MFSD8: variants seen among roughly 807,000 people sequenced by gnomAD.
The protein encoded by MFSD8 is major facilitator superfamily domain containing 8, also known as major facilitator superfamily domain-containing protein 8.
MFSD8 carries 55 observed loss-of-function variants against 66.4 expected under a neutral mutation model. That is an observed-to-expected ratio of 0.83 (90% CI 0.67 to 1.04). The LOEUF is 1.04. MFSD8 is among the 50% of genes least tolerant of loss of function. MFSD8 has a pLI of 0.00. For missense variants in MFSD8, 550 were observed against 627.6 expected (o/e 0.88, Z 1.32); for synonymous variants, 202 against 212.8 (o/e 0.95, Z 0.44).
rs1020474792 is a variant in MFSD8, at chr4:127,921,306, A to G, written c.1350+218T>C. ...ACTGTGCCACTTTACACTCTACCAC[A>G]ATGCCACTCCTACAACTTCTGTATC... On this transcript the variant is annotated intron_variant, in intron 11 of 11. Coordinates refer to ENST00000641686, the MANE Select transcript of MFSD8 (RefSeq NM_001371596.2). The G allele has an allele frequency of 6.4e-5, 48 of 748,454 alleles. No individual in the cohort carries two copies. In the African/African-American group the frequency reaches 8.0e-4, roughly 12 times the overall value. The allele number at this position is 748,454 out of a possible 1,614,324, so 46.4% of individuals were successfully genotyped here. A position where few individuals can be genotyped will look rare whatever the true frequency, so the allele number is the denominator to read the frequency against.
At chr4:127,953,512 C>T (rs1742352004) in intron 2 of MFSD8, among the ~76,000 whole-genome samples, 1 of 146,124 alleles carries the variant, frequency 6.8e-6, no homozygotes, top group East Asian at 2.0e-4. Context: ...ACTGATTCAG[C>T]ACTTTTTCTG....
At chr4:127,951,293 G>T (rs944636894) in intron 2 of MFSD8, among the ~76,000 whole-genome samples, 1 of 151,808 alleles carries the variant, frequency 6.6e-6, no homozygotes, top group East Asian at 2.0e-4. Context: ...GTAGTGACCC[G>T]ATCTCGGCTC....
chr4:127,963,603 G>C (rs1274275123), intron 1 of MFSD8, among the ~76,000 whole-genome samples: 1 of 152,014 alleles, frequency 6.6e-6, no homozygotes, highest in Non-Finnish European at 1.5e-5. Context: ...TTAAGGCGGC[G>C]CGTCTGGAGT....
At chr4:127,938,615 A>ATAAG (rs1235121791) in intron 7 of MFSD8, among the ~76,000 whole-genome samples, 168 bp downstream of exon 7, 3 of 142,460 alleles carry the variant, frequency 2.1e-5, no homozygotes, top group Non-Finnish European at 4.4e-5. Context: ...AAATAAATAA[A>ATAAG]TAAATAAATA....
chr4:127,963,815 T>G (rs1370459005), intron 1 of MFSD8, among the ~76,000 whole-genome samples: 1 of 152,214 alleles, frequency 6.6e-6, no homozygotes, highest in Non-Finnish European at 1.5e-5. Flanking sequence ...CCTGCTTTTA[T>G]TCTCTTATCT....
At chr4:127,960,546 AAGAG>A (rs1743574139) in intron 1 of MFSD8, among the ~76,000 whole-genome samples, 1 of 152,074 alleles carries the variant, frequency 6.6e-6, no homozygotes, top group African/African-American at 2.4e-5. Context: ...ATAAATAAAT[AAGAG>A]AGAGAAAAGA....
rs1339979382 is a variant in MFSD8 at position 127,943,743 on chromosome 4, C to A, written c.439+9G>T. On this transcript the variant is annotated intron_variant, in intron 4 of 11. Transcript: ENST00000641686. The stretch of plus-strand genomic sequence containing the variant: ...TATGACACAACCAAACATATACATA[C>A]AACCTTACCTGCTCCAATTCCCAAC... The A allele has an allele frequency of 6.2e-7, 1 of 1,614,072 alleles. No individual in the cohort carries two copies. The highest frequency in any genetic ancestry group is 8.5e-7 in the Non-Finnish European group (1 of 1,180,020).
chr4:127,921,026 G>A, intron 11 of MFSD8, 190 bp from the exon 12 acceptor site: 1 of 614,284 alleles, frequency 1.6e-6, no homozygotes, highest in Non-Finnish European at 2.8e-6. Flanking sequence ...AAAAATAAAA[G>A]GAGTGTAAAG....
chr4:127,922,886 G>A (rs1231732139), intron 9 of MFSD8, among the ~76,000 whole-genome samples: 1 of 152,060 alleles, frequency 6.6e-6, no homozygotes, highest in African/African-American at 2.4e-5. Context: ...TGAATTAATG[G>A]ATCTATGGAA....
chr4:127,960,052 T>C (rs1473278216), intron 1 of MFSD8, among the ~76,000 whole-genome samples: 1 of 152,228 alleles, frequency 6.6e-6, no homozygotes, highest in Non-Finnish European at 1.5e-5. Context: ...CATTCTGGCA[T>C]TAGTTCCCCA....
rs1174831833 is a variant in MFSD8 at position 127,933,070 on chromosome 4, G to A, written c.778C>T (p.Pro260Ser). 1.2e-6 allele frequency: 2 copies of A among 1,613,576 alleles called. No individual in the cohort carries two copies. The highest frequency in any genetic ancestry group is 3.3e-5 in the Admixed American group (2 of 59,988). ...EEASTDEAQV[P>S]QGNIDQVAVV... Reference sequence around the variant, plus strand: ...GCAACCTGGTCAATATTTCCTTGGGGAACCTGAGCTTCATCTGTACTTGCT... The same window carrying A: ...GCAACCTGGTCAATATTTCCTTGGGAAACCTGAGCTTCATCTGTACTTGCT... Residue 260 changes from proline to serine, a missense_variant, in exon 8 of 12, where the codon CCC becomes TCC. Physicochemically the swap from Pro to Ser is moderately conservative, Grantham distance 74. Coordinates refer to ENST00000641686, the MANE Select transcript of MFSD8 (RefSeq NM_001371596.2).
At chr4:127,951,129 A>G (rs1741884417) in intron 2 of MFSD8, among the ~76,000 whole-genome samples, 1 of 152,210 alleles carries the variant, frequency 6.6e-6, no homozygotes, top group Admixed American at 6.5e-5. Flanking sequence ...CCCATATCAT[A>G]CAATTATGCA....
chr4:127,928,909 C>A (rs943320021), intron 9 of MFSD8, among the ~76,000 whole-genome samples: 30 of 152,064 alleles, frequency 2.0e-4, no homozygotes, highest in Admixed American at 1.3e-3. Context: ...GCCATTGAAA[C>A]CATGAAATGC....
chr4:127,965,207 A>T, upstream of MFSD8: 1 of 1,586,148 alleles, frequency 6.3e-7, no homozygotes, highest in Non-Finnish European at 8.6e-7. Context: ...GGTGGCGTGA[A>T]GCTGGCAAAA....
chr4:127,964,449 C>G (rs1744582616), intron 1 of MFSD8, among the ~76,000 whole-genome samples: 1 of 152,236 alleles, frequency 6.6e-6, no homozygotes, highest in Non-Finnish European at 1.5e-5. Context: ...TGCTGGGGGA[C>G]CCAGCACACC....
intron 1 of MFSD8, among the ~76,000 whole-genome samples, chr4:127,959,098 A>G (rs1020453834): frequency 6.6e-6 from 1 of 152,240 alleles, no homozygotes; most frequent in Admixed American, 6.5e-5. Context: ...CATTCCCAGT[A>G]GTGGGATGTC....
intron 7 of MFSD8, among the ~76,000 whole-genome samples, chr4:127,936,398 A>C (rs946491170): frequency 1.3e-5 from 2 of 152,002 alleles, no homozygotes; most frequent in Admixed American, 6.6e-5. Context: ...TACAGGCATG[A>C]GCCACTGTGC....
chr4:127,959,001 T>C (rs1051028337), intron 1 of MFSD8, among the ~76,000 whole-genome samples: 1 of 152,188 alleles, frequency 6.6e-6, no homozygotes, highest in Non-Finnish European at 1.5e-5. Context: ...GTCACCCCAG[T>C]GTCTGCTTAC....
chr4:127,949,654 C>T, intron 3 of MFSD8, 150 bp downstream of exon 3: 2 of 664,506 alleles, frequency 3.0e-6, no homozygotes, highest in Admixed American at 5.8e-5. Flanking sequence ...GGTCACATTA[C>T]TTATAAGCCT....
Sources: gnomAD v4.1 joint callset for allele counts (sites outside exome capture counted in the v4.1 genomes callset) on GRCh38, gnomAD v4.1.1 for gene constraint, MANE v1.5 for transcripts, NCBI Gene and HGNC (gene_info 2026-07-23, HGNC 2026-07-21) for gene names.